The following DIPK1A variants were observed in gnomAD, a reference collection of about 807,000 sequenced individuals.
The protein encoded by DIPK1A is family with sequence similarity 69 member A.
A neutral mutation model predicts 40.8 loss-of-function variants in DIPK1A; 27 were observed. The observed-to-expected ratio is 0.66, with a 90% CI of 0.49 to 0.91. The LOEUF (loss-of-function observed/expected upper bound fraction) is 0.91, where lower values mean the gene tolerates loss of function less well. Among genes scored for constraint, DIPK1A ranks in the 40% least tolerant of loss-of-function variants. The pLI is 0.00. For synonymous variants in DIPK1A, 166 were observed against 171.3 expected, an observed-to-expected ratio of 0.97 and a Z score of 0.24; for missense variants, 412 against 505.7, an observed-to-expected ratio of 0.81 and a Z score of 1.78.
At chr1:92,932,009 G>C in intron 1 of DIPK1A, 1 of 526,728 alleles carries the variant, frequency 1.9e-6, no homozygotes, top group Non-Finnish European at 3.5e-6. Context: ...ATAAAATCTT[G>C]GGCCAAAAGA....
chr1:92,939,835 C>T (rs1651083489), intron 1 of DIPK1A, among the ~76,000 whole-genome samples: 1 of 152,008 alleles, frequency 6.6e-6, no homozygotes, highest in Non-Finnish European at 1.5e-5. Flanking sequence ...GCCTGTAATC[C>T]CAGCTACTGA....
chr1:92,850,977 A>T (rs757372581), intron 2 of DIPK1A, 22 bp from the exon 3 acceptor site: 1 of 1,405,114 alleles, frequency 7.1e-7, no homozygotes, highest in Non-Finnish European at 9.8e-7. Context: ...GAAATAAAAA[A>T]GTAGTTAATA....
At chr1:92,842,028 GTAAC>G (rs767483834), downstream of DIPK1A, 35 of 779,874 alleles carry the variant, frequency 4.5e-5, no homozygotes, top group African/African-American at 5.7e-4. Context: ...GAAAACAAGT[GTAAC>G]TAACTTTTTA....
intron 1 of DIPK1A, among the ~76,000 whole-genome samples, chr1:92,936,822 G>C (rs930884933): frequency 2.6e-5 from 4 of 152,092 alleles, no homozygotes; most frequent in African/African-American, 7.2e-5. Flanking sequence ...TAATACACAG[G>C]TCATTTAGAT....
intron 4 of DIPK1A, among the ~76,000 whole-genome samples, chr1:92,834,579 A>G (rs1687043260): frequency 6.6e-6 from 1 of 152,218 alleles, no homozygotes; most frequent in African/African-American, 2.4e-5. Context: ...TTAGTTCAAA[A>G]GATGATTGAA....
intron 1 of DIPK1A, among the ~76,000 whole-genome samples, chr1:92,895,434 G>C (rs1649115978): frequency 6.6e-6 from 1 of 151,984 alleles, no homozygotes; most frequent in African/African-American, 2.4e-5. Flanking sequence ...TGCAGAAAAG[G>C]CCTTTGACAA....
intron 2 of DIPK1A, among the ~76,000 whole-genome samples, chr1:92,867,338 G>GC (rs1647596572): frequency 6.6e-6 from 1 of 151,776 alleles, no homozygotes. Flanking sequence ...ACAGGCATGG[G>GC]CCACTGCGCC....
chr1:92,889,003 A>G (rs1648733675), intron 1 of DIPK1A, among the ~76,000 whole-genome samples: 1 of 152,128 alleles, frequency 6.6e-6, no homozygotes, highest in Admixed American at 6.6e-5. Flanking sequence ...TTTGCTGTGC[A>G]GAAGCTTTTT....
chr1:92,932,978 T>C (rs1436576657), intron 1 of DIPK1A: 1 of 152,208 alleles, frequency 6.6e-6, no homozygotes, highest in African/African-American at 2.4e-5. Flanking sequence ...TTGTAACATA[T>C]GTACCACTCT....
At chr1:92,951,983 C>A (rs530578556) in intron 1 of DIPK1A, among the ~76,000 whole-genome samples, 1 of 128,694 alleles carries the variant, frequency 7.8e-6, no homozygotes, top group South Asian at 2.6e-4. Flanking sequence ...ATTTTGCCCC[C>A]CAGAGGACAA....
At chr1:92,918,662 G>A (rs750596178) in intron 1 of DIPK1A, among the ~76,000 whole-genome samples, 1 of 152,070 alleles carries the variant, frequency 6.6e-6, no homozygotes, top group Admixed American at 6.5e-5. Flanking sequence ...TTACAATTTT[G>A]GTTGGCAGCA....
chr1:92,843,237 C>A lies in DIPK1A; in HGVS notation c.*146G>T. ...GTTGATCCTACACCTGCCATTACTT[C>A]AGTGATCACATACTGATGGCTTCTC... is the stretch of plus-strand genomic sequence containing the variant. On this transcript the variant is annotated 3_prime_UTR_variant, in exon 5 of 5. Coordinates refer to ENST00000370310, the MANE Select transcript of DIPK1A (RefSeq NM_001006605.5). 7.0e-7 allele frequency: 1 copy of A among 1,424,912 alleles called. No homozygotes were observed. The allele number at this position is 1,424,912 out of a possible 1,614,324, so 88.3% of individuals were successfully genotyped here.
At chr1:92,952,832 G>C (rs1385364376) in intron 1 of DIPK1A, among the ~76,000 whole-genome samples, 1 of 151,710 alleles carries the variant, frequency 6.6e-6, no homozygotes, top group Non-Finnish European at 1.5e-5. Flanking sequence ...CAACATTCTA[G>C]ATTTAAAATA....
intron 1 of DIPK1A, among the ~76,000 whole-genome samples, chr1:92,943,361 A>C (rs530191941): frequency 6.6e-6 from 1 of 152,302 alleles, no homozygotes; most frequent in Admixed American, 6.5e-5. Context: ...GGAATGCTAG[A>C]GGGAATCTAG....
chr1:92,839,222 G>A (rs1179288684), downstream of DIPK1A, among the ~76,000 whole-genome samples: 1 of 152,028 alleles, frequency 6.6e-6, no homozygotes, highest in Non-Finnish European at 1.5e-5. Flanking sequence ...AGCTGGGCAT[G>A]GTGGCTCACT....
intron 2 of DIPK1A, among the ~76,000 whole-genome samples, chr1:92,869,515 T>C (rs969459922): frequency 7.9e-5 from 12 of 152,286 alleles, no homozygotes; most frequent in African/African-American, 2.9e-4. Flanking sequence ...TTGCCAACTT[T>C]TGAAGAGAAT....
intron 1 of DIPK1A, among the ~76,000 whole-genome samples, chr1:92,919,622 A>C (rs1447725265): frequency 6.6e-6 from 1 of 152,200 alleles, no homozygotes; most frequent in East Asian, 1.9e-4. Context: ...TATTACTCTG[A>C]GTATACTATG....
chr1:92,953,157 G>T (rs1047011665), intron 1 of DIPK1A, among the ~76,000 whole-genome samples: 5 of 151,688 alleles, frequency 3.3e-5, no homozygotes, highest in African/African-American at 1.2e-4. Flanking sequence ...CATATGAAAA[G>T]ATGTTCAACA....
chr1:92,870,081 C>T (rs1332376715), intron 2 of DIPK1A, among the ~76,000 whole-genome samples: 3 of 141,250 alleles, frequency 2.1e-5, no homozygotes, highest in East Asian at 2.0e-4. Context: ...TATATACACA[C>T]ACACACACAC....
Sources: allele counts gnomAD v4.1 joint callset (sites outside exome capture counted in the v4.1 genomes callset), GRCh38; gene constraint gnomAD v4.1.1; transcripts MANE v1.5; gene names NCBI Gene and HGNC (gene_info 2026-07-23, HGNC 2026-07-21).